The following FYB1 variants were observed in gnomAD, a reference collection of about 807,000 sequenced individuals.
FYB1 encodes FYN binding protein 1, also known as FYN-binding protein 1.
In FYB1, 41 loss-of-function variants were observed where a neutral mutation model predicts 94.1. The ratio of observed to expected loss-of-function variants is 0.44; its 90% CI spans 0.34 to 0.57. The LOEUF is 0.57. FYB1 is among the 20% of genes least tolerant of loss of function. FYB1 has a pLI of 0.02. For missense variants in FYB1, 1,050 were observed against 976.8 expected (o/e 1.07, Z -1.00); for synonymous variants, 367 against 353.2 (o/e 1.04, Z -0.44).
In FYB1 at chr5:39,169,391, G is replaced by A. The variant is rs180815436; in HGVS notation, c.1136-15787C>T. 3,080 of 755,126 alleles carry A rather than the reference G, an allele frequency of 4.1e-3. 17 individuals carry two copies. The highest frequency in any genetic ancestry group is 5.6e-3 in the Non-Finnish European group (2,270 of 403,248). 46.8% of individuals were successfully genotyped at this position (755,126 alleles called of 1,614,324 possible). The stretch of plus-strand genomic sequence containing the variant: ...TTGAACTAGCTTTGTGAATTTTTCC[G>A]TACATTCCTGCCAGATTAGTTTCTG... On this transcript the variant is annotated intron_variant, in intron 2 of 18. Coordinates refer to ENST00000512982, the MANE Select transcript of FYB1 (RefSeq NM_001465.6).
intron 2 of FYB1, among the ~76,000 whole-genome samples, chr5:39,188,540 C>CTTTT (rs35086739): frequency 2.2e-4 from 15 of 69,620 alleles, no homozygotes; most frequent in Non-Finnish European, 3.4e-4. Flanking sequence ...AACTACAGCA[C>CTTTT]TTTTTTTTTT....
chr5:39,168,696 T>A (rs756089457), intron 2 of FYB1, among the ~76,000 whole-genome samples: 1 of 152,234 alleles, frequency 6.6e-6, no homozygotes, highest in Non-Finnish European at 1.5e-5. Context: ...TTAAAAACCG[T>A]AGTCACATTT....
At chr5:39,234,766 A>G (rs956225415) in intron 1 of FYB1, among the ~76,000 whole-genome samples, 5 of 152,152 alleles carry the variant, frequency 3.3e-5, no homozygotes, top group African/African-American at 1.2e-4. Flanking sequence ...GCTGGAAACC[A>G]TCATTCTCAG....
In FYB1 at chr5:39,119,458, G is replaced by GT. The variant is rs902265050; in HGVS notation, c.2238+76dup. ...AAAAATCATTGGATTTTTCAATAGT[G>GT]TTTTTTTTGTTACTTAAAAATCATT... On this transcript the variant is annotated intron_variant, in intron 15 of 18. Coordinates refer to ENST00000512982, the MANE Select transcript of FYB1 (RefSeq NM_001465.6). The GT allele has an allele frequency of 4.4e-5, 46 of 1,055,806 alleles. No individual in the cohort carries two copies. In the African/African-American group the frequency reaches 6.4e-4, roughly 15 times the overall value. The allele number at this position is 1,055,806 out of a possible 1,614,324, so 65.4% of individuals were successfully genotyped here.
At chr5:39,201,238 A>G (rs890747359) in intron 2 of FYB1, among the ~76,000 whole-genome samples, 1 of 152,168 alleles carries the variant, frequency 6.6e-6, no homozygotes, top group Non-Finnish European at 1.5e-5. Flanking sequence ...AGGGCTTGTC[A>G]TCTCTGTACT....
At position 39,141,132 on chromosome 5, in the gene FYB1, G is replaced by A; in HGVS notation, c.1302C>T (p.Val434=). The change falls in exon 4 of 19, where the codon GTC becomes GTT. Residue 434 remains valine (V), a synonymous_variant. Coordinates refer to ENST00000512982, the MANE Select transcript of FYB1 (RefSeq NM_001465.6). The part of the protein sequence containing the change: ...IKPPFDLKSP[V]NEDNQDGVTH... Reference sequence around the variant, plus strand: ...TGACACCATCTTGATTGTCTTCATTGACAGGGCTTCTGAAAACGAGAAAGA... The same window carrying A: ...TGACACCATCTTGATTGTCTTCATTAACAGGGCTTCTGAAAACGAGAAAGA... 1.3e-6 allele frequency: 2 copies of A among 1,593,378 alleles called. No homozygotes were observed. Among genetic ancestry groups the A allele is most frequent in the South Asian group, 2.3e-5 (2 of 87,628 alleles).
intron 3 of FYB1, among the ~76,000 whole-genome samples, chr5:39,143,976 T>C (rs1254973305): frequency 1.3e-5 from 2 of 152,222 alleles, no homozygotes; most frequent in Non-Finnish European, 2.9e-5. Flanking sequence ...TTTTTCATCC[T>C]TGGAACATTC....
chr5:39,230,351 G>A (rs1750666184), intron 1 of FYB1, among the ~76,000 whole-genome samples: 1 of 152,126 alleles, frequency 6.6e-6, no homozygotes, highest in African/African-American at 2.4e-5. Flanking sequence ...AGGAATGCAG[G>A]CAGCCTTTGG....
rs191399425 is a variant in FYB1 at position 39,198,055 on chromosome 5, C to T, written c.1135+3771G>A. ...TGGGGCTGGTGATAAAATTTTAATGCTAATAAAAGTAATAAAATTATAGAC... is the reference window on the plus strand; with the variant it reads ...TGGGGCTGGTGATAAAATTTTAATGTTAATAAAAGTAATAAAATTATAGAC... On this transcript the variant is annotated intron_variant, in intron 2 of 18. Transcript: ENST00000512982. Among the ~76,000 whole-genome samples the T allele has an allele frequency of 2.9e-3, 444 of 152,106 alleles. 6 individuals carry two copies. The highest frequency in any genetic ancestry group is 0.01 in the African/African-American group (432 of 41,466).
chr5:39,136,807 C>A (rs1741714394), intron 7 of FYB1, among the ~76,000 whole-genome samples: 2 of 152,092 alleles, frequency 1.3e-5, no homozygotes, highest in African/African-American at 4.8e-5. Context: ...GAAATTTGAA[C>A]CACATATTAA....
At chr5:39,114,390 T>C (rs1264708443) in intron 16 of FYB1, among the ~76,000 whole-genome samples, 1 of 152,206 alleles carries the variant, frequency 6.6e-6, no homozygotes, top group Non-Finnish European at 1.5e-5. Context: ...AATGTGATAA[T>C]GCCTGTAAAA....
At chr5:39,228,752 T>C (rs1229685839) in intron 1 of FYB1, among the ~76,000 whole-genome samples, 2 of 152,218 alleles carry the variant, frequency 1.3e-5, no homozygotes, top group African/African-American at 2.4e-5. Flanking sequence ...TTCTTATATA[T>C]GAACTTCCCT....
Position 39,246,059 on chromosome 5 carries a change from G to C in FYB1, c.-28+28344C>G, listed in dbSNP as rs1031746079. 3.9e-5 allele frequency among the ~76,000 whole-genome samples: 6 copies of C among 152,354 alleles called. No homozygotes were observed. In the East Asian group the frequency reaches 9.6e-4, roughly 24 times the overall value. On this transcript the variant is annotated intron_variant, in intron 1 of 1. Coordinates refer to the FYB1 transcript ENST00000510188. ...CTGTTGTTCCAAGAGGAAAAAGAAAGTCTGCTTTTTTCTTTCTGCTTTGTT... is the reference window on the plus strand; with the variant it reads ...CTGTTGTTCCAAGAGGAAAAAGAAACTCTGCTTTTTTCTTTCTGCTTTGTT...
intron 11 of FYB1, among the ~76,000 whole-genome samples, chr5:39,127,059 C>CAAAAAAAAAAAAAAAAA (rs200980181): frequency 1.3e-5 from 1 of 77,492 alleles, no homozygotes; most frequent in African/African-American, 4.7e-5. Context: ...ACTCAGGTCT[C>CAAAAAAAAAAAAAAAAA]AAAAAAAAAA....
intron 1 of FYB1, among the ~76,000 whole-genome samples, chr5:39,242,124 T>C (rs1333924005): frequency 1.3e-5 from 2 of 152,056 alleles, no homozygotes; most frequent in Non-Finnish European, 2.9e-5. Context: ...CATTTTTCAA[T>C]CTATTTTAAC....
Position 39,184,218 on chromosome 5 carries a change from G to A in FYB1, c.1135+17608C>T, listed in dbSNP as rs140650542. ...AGCAGATTGTTGTCAAAGTTTTGAG[G>A]TAAATTATAATTCAACCAACTGATC... On this transcript the variant is annotated intron_variant, in intron 2 of 18. Transcript: ENST00000512982. Among the ~76,000 whole-genome samples the A allele has an allele frequency of 6.7e-3, 1,024 of 152,176 alleles. 3 individuals are homozygous for A. Among genetic ancestry groups the A allele is most frequent in the Non-Finnish European group, 0.011 (735 of 67,992 alleles).
At chr5:39,186,756 A>C (rs1379357242) in intron 2 of FYB1, among the ~76,000 whole-genome samples, 1 of 134,232 alleles carries the variant, frequency 7.4e-6, no homozygotes, top group African/African-American at 2.8e-5. Context: ...TTCTCCTTTT[A>C]TCCTTTAAAA....
chr5:39,254,706 G>A (rs77647019), intron 1 of FYB1, among the ~76,000 whole-genome samples: 3,235 of 152,252 alleles, frequency 0.021, 113 homozygotes, highest in African/African-American at 0.071. Context: ...AAATAATATG[G>A]TGGAATGCAA....
intron 2 of FYB1, among the ~76,000 whole-genome samples, chr5:39,196,838 T>C (rs559211181): frequency 1.3e-4 from 20 of 152,384 alleles, no homozygotes; most frequent in Admixed American, 1.2e-3. Flanking sequence ...TGTTTAGTCA[T>C]GTTATGCCTT....
Sources: allele counts gnomAD v4.1 joint callset (sites outside exome capture counted in the v4.1 genomes callset), GRCh38; gene constraint gnomAD v4.1.1; transcripts MANE v1.5; gene names NCBI Gene and HGNC (gene_info 2026-07-23, HGNC 2026-07-21).